CDH22: variants seen among roughly 807,000 people sequenced by gnomAD.
The protein encoded by CDH22 is cadherin 22, also known as cadherin-22.
A neutral mutation model predicts 58.4 loss-of-function variants in CDH22; 30 were observed. The ratio of observed to expected loss-of-function variants is 0.51; its 90% CI spans 0.38 to 0.70. CDH22 has a LOEUF of 0.70. CDH22 is among the 30% of genes least tolerant of loss of function. The probability of loss-of-function intolerance (pLI) is 0.00; values close to 1 mark genes in which losing one functional copy is unlikely to be tolerated. For synonymous variants in CDH22, 513 were observed against 558.2 expected (o/e 0.92, Z 1.14); for missense variants, 1,014 against 1,233.9 (o/e 0.82, Z 2.67).
chr20:46,238,114 G>A (rs1250400780), intron 3 of CDH22, among the ~76,000 whole-genome samples: 1 of 152,186 alleles, frequency 6.6e-6, no homozygotes, highest in African/African-American at 2.4e-5. Context: ...GTCTTCCCAT[G>A]TCACTCCCTC....
At chr20:46,217,565 T>C (rs1466398921) in intron 4 of CDH22, among the ~76,000 whole-genome samples, 2 of 151,844 alleles carry the variant, frequency 1.3e-5, no homozygotes, top group Non-Finnish European at 2.9e-5. Context: ...ACTCATACAC[T>C]CACAGACTCA....
At chr20:46,275,323 C>A (rs2086512450) in intron 1 of CDH22, among the ~76,000 whole-genome samples, 3 of 152,144 alleles carry the variant, frequency 2.0e-5, no homozygotes, top group Admixed American at 2.0e-4. Context: ...TCTGGATGCT[C>A]CTTTCCCCAT....
intron 1 of CDH22, among the ~76,000 whole-genome samples, chr20:46,283,136 G>A (rs867304040): frequency 6.6e-6 from 1 of 152,238 alleles, no homozygotes; most frequent in Non-Finnish European, 1.5e-5. Context: ...ATGGCAAGAA[G>A]CATAACTGTC....
chr20:46,178,303 A>G, intron 10 of CDH22, 106 bp from the exon 11 acceptor site: 2 of 1,273,662 alleles, frequency 1.6e-6, no homozygotes, highest in Non-Finnish European at 2.2e-6. Flanking sequence ...TATGCCCCAA[A>G]CTACAGCCTC....
chr20:46,213,743 G>A (rs1052931645), intron 5 of CDH22, among the ~76,000 whole-genome samples: 1 of 152,162 alleles, frequency 6.6e-6, no homozygotes, highest in Non-Finnish European at 1.5e-5. Context: ...GATGTTAACG[G>A]TAGTTATTCC....
At chr20:46,286,726 C>T (rs988015850) in intron 1 of CDH22, among the ~76,000 whole-genome samples, 6 of 152,114 alleles carry the variant, frequency 3.9e-5, no homozygotes, top group Admixed American at 6.5e-5. Context: ...GGTTGCTGGG[C>T]GGGGAAGGAC....
rs182685880 is a variant in CDH22, at chr20:46,273,589, C to T, written c.-399-21896G>A. Among the ~76,000 whole-genome samples the T allele has an allele frequency of 2.0e-5, 3 of 152,320 alleles. No homozygotes were observed. The East Asian group carries it at 5.8e-4, about 29-fold the overall frequency. ...ATGCATCAAACATCACACTCACAGG[C>T]CAAGATGCTAACAGAGCGCTGTGCT... On this transcript the variant is annotated intron_variant, in intron 1 of 11. Transcript: ENST00000537909.
chr20:46,187,083 C>G, intron 8 of CDH22, 136 bp from the exon 9 acceptor site: 1 of 824,578 alleles, frequency 1.2e-6, no homozygotes, highest in African/African-American at 1.7e-5. Flanking sequence ...GGTACAAGGA[C>G]CAGAACTGGG....
intron 5 of CDH22, among the ~76,000 whole-genome samples, chr20:46,215,328 C>T (rs546980878): frequency 6.6e-6 from 1 of 152,328 alleles, no homozygotes; most frequent in South Asian, 2.1e-4. Context: ...GAATAAATTA[C>T]AGCTACCAGC....
At chr20:46,209,734 G>A (rs1431971071) in intron 7 of CDH22, 1 of 152,352 alleles carries the variant, frequency 6.6e-6, no homozygotes, top group Non-Finnish European at 1.5e-5. Context: ...AGAATGAGAG[G>A]AGGCAAGGAT....
intron 4 of CDH22, among the ~76,000 whole-genome samples, chr20:46,226,273 TC>T (rs1568665316): frequency 5.8e-3 from 31 of 5,368 alleles, no homozygotes; most frequent in Middle Eastern, 0.083. Flanking sequence ...TTCTTCTTCT[TC>T]TTCTTCTTCT....
intron 11 of CDH22, among the ~76,000 whole-genome samples, chr20:46,176,888 C>T (rs57475044): frequency 0.053 from 8,013 of 152,322 alleles, 321 homozygotes; most frequent in African/African-American, 0.11. Flanking sequence ...GCGATTCCAC[C>T]CGTCACCTTT....
intron 8 of CDH22, among the ~76,000 whole-genome samples, chr20:46,197,135 C>T (rs2085910067): frequency 6.6e-6 from 1 of 152,046 alleles, no homozygotes; most frequent in African/African-American, 2.4e-5. Context: ...GCCGTGGGGA[C>T]CAAGCATGCC....
At position 46,303,242 on chromosome 20, in the gene CDH22, C is replaced by T. The variant is rs970299807; in HGVS notation, c.-400+5013G>A. 2.6e-5 allele frequency among the ~76,000 whole-genome samples: 4 copies of T among 152,206 alleles called. No homozygotes were observed. In the East Asian group the frequency reaches 7.7e-4, roughly 29 times the overall value. On this transcript the variant is annotated intron_variant, in intron 1 of 11. Coordinates refer to ENST00000537909, the MANE Select transcript of CDH22 (RefSeq NM_021248.3). ...TCTCAGTTCCTCTGCTATTCTCCCT[C>T]CCCTTGGGGCCTTGGTACCCCTTGG...
intron 8 of CDH22, among the ~76,000 whole-genome samples, chr20:46,188,578 G>C (rs187170700): frequency 2.9e-4 from 44 of 152,324 alleles, no homozygotes; most frequent in African/African-American, 9.6e-4. Flanking sequence ...CAGGGCATTT[G>C]AAACTGTGTG....
At chr20:46,178,662 G>A (rs1374475946) in intron 10 of CDH22, among the ~76,000 whole-genome samples, 3 of 142,250 alleles carry the variant, frequency 2.1e-5, no homozygotes, top group Non-Finnish European at 1.5e-5. Flanking sequence ...GCTTCCCAGC[G>A]TATTCTGACC....
chr20:46,261,420 T>C (rs2086432379), intron 1 of CDH22, among the ~76,000 whole-genome samples: 1 of 152,222 alleles, frequency 6.6e-6, no homozygotes, highest in South Asian at 2.1e-4. Flanking sequence ...ATCAGGCCTA[T>C]AGTGCAGCCT....
In CDH22 at chr20:46,194,587, A is replaced by G. The variant is rs113643098; in HGVS notation, c.1423+4836T>C. ...CTCTCCCTGACTATTAAGAGCACCT[A>G]CTGTGTGTCAGGCACACAGTAGGCA... On this transcript the variant is annotated intron_variant, in intron 8 of 11. Coordinates refer to ENST00000537909, the MANE Select transcript of CDH22 (RefSeq NM_021248.3). 9.8e-5 allele frequency among the ~76,000 whole-genome samples: 15 copies of G among 152,286 alleles called. 1 individual carries two copies. The highest frequency in any genetic ancestry group is 3.4e-4 in the African/African-American group (14 of 41,556).
chr20:46,223,415 C>T (rs2145704355), intron 4 of CDH22, among the ~76,000 whole-genome samples: 2 of 152,296 alleles, frequency 1.3e-5, no homozygotes, highest in East Asian at 3.9e-4. Context: ...TCCCCACCTC[C>T]TCAGGCTGAA....
Sources: gnomAD v4.1 joint callset for allele counts (sites outside exome capture counted in the v4.1 genomes callset) on GRCh38, gnomAD v4.1.1 for gene constraint, MANE v1.5 for transcripts, NCBI Gene and HGNC (gene_info 2026-07-23, HGNC 2026-07-21) for gene names.